The following RSPH3 variants were observed in gnomAD, a reference collection of about 807,000 sequenced individuals.
RSPH3 encodes radial spoke head 3, also known as radial spoke head protein 3 homolog.
RSPH3 carries 21 observed loss-of-function variants against 43.8 expected under a neutral mutation model. That is an observed-to-expected ratio of 0.48 (90% CI 0.34 to 0.69). The LOEUF (loss-of-function observed/expected upper bound fraction) is 0.69, where lower values mean the gene tolerates loss of function less well. Ranked by LOEUF, RSPH3 falls within the 30% of genes least tolerant of loss-of-function variation. RSPH3 has a pLI of 0.01. For synonymous variants in RSPH3, 173 were observed against 179.8 expected (o/e 0.96, Z 0.30); for missense variants, 487 against 516.0 (o/e 0.94, Z 0.54).
At position 158,999,566 on chromosome 6, in the gene RSPH3, G is replaced by A; in HGVS notation, c.-16C>T. On this transcript the variant is annotated 5_prime_UTR_variant, in exon 1 of 8. Transcript: ENST00000367069. ...CTGAGGCCATGTCCGGGGGCTGACT[G>A]CCTCGCTTTCGGTGGAGCTTGGCTT... is the stretch of plus-strand genomic sequence containing the variant. The A allele has an allele frequency of 6.2e-7, 1 of 1,607,370 alleles. No individual in the cohort carries two copies.
intron 1 of RSPH3, among the ~76,000 whole-genome samples, chr6:158,999,010 C>G (rs1163687943): frequency 6.6e-6 from 1 of 152,228 alleles, no homozygotes; most frequent in Non-Finnish European, 1.5e-5. Context: ...GGATATGCTA[C>G]TGTTGGATAT....
chr6:158,986,427 A>G lies in RSPH3; in HGVS notation c.205-6T>C. ...AGAGAATCAGGCCGTCCGAGCTAAC[A>G]GTGATAGAAAATACTTCTAGAATTT... On this transcript the variant is annotated splice_region_variant and splice_polypyrimidine_tract_variant and intron_variant, in intron 2 of 7. Coordinates refer to ENST00000367069, the MANE Select transcript of RSPH3 (RefSeq NM_031924.8). The G allele has an allele frequency of 6.2e-7, 1 of 1,600,252 alleles. No homozygotes were observed. The highest frequency in any genetic ancestry group is 8.5e-7 in the Non-Finnish European group (1 of 1,175,668).
At chr6:158,970,024 A>G (rs73796822), downstream of RSPH3, among the ~76,000 whole-genome samples, 819 of 151,374 alleles carry the variant, frequency 5.4e-3, 5 homozygotes, top group African/African-American at 0.019. Context: ...AACAGTTTCT[A>G]TTGACTGCTT....
At position 158,973,887 on chromosome 6, in the gene RSPH3, G is replaced by A. The variant is rs1336379584; in HGVS notation, c.*3651C>T. On this transcript the variant is annotated 3_prime_UTR_variant, in exon 8 of 8. Coordinates refer to ENST00000367069, the MANE Select transcript of RSPH3 (RefSeq NM_031924.8). ...CTCTGTCACCGGGCTGGAGTGCAGC[G>A]GCGCGACCTCCTGGGTTCAAGTGAT... 3.3e-5 allele frequency: 5 copies of A among 150,928 alleles called. No individual in the cohort carries two copies. Among genetic ancestry groups the A allele is most frequent in the East Asian group, 1.9e-4 (1 of 5,130 alleles). The allele number at this position is 150,928 out of a possible 1,614,324, so 9.3% of individuals were successfully genotyped here. A position where few individuals can be genotyped will look rare whatever the true frequency, so the allele number is the denominator to read the frequency against.
rs1562559599 is a variant in RSPH3 at position 158,980,765 on chromosome 6, T to C, written c.859+9A>G. Reference sequence around the variant, plus strand: ...CAACAAAATTAATCTAACAAAAATATCTACAAACCTCTTTCAATGGGATCA... The same window carrying C: ...CAACAAAATTAATCTAACAAAAATACCTACAAACCTCTTTCAATGGGATCA... On this transcript the variant is annotated intron_variant, in intron 6 of 7. Coordinates refer to ENST00000367069, the MANE Select transcript of RSPH3 (RefSeq NM_031924.8). 6.2e-7 allele frequency: 1 copy of C among 1,604,168 alleles called. No homozygotes were observed. The highest frequency in any genetic ancestry group is 1.1e-5 in the South Asian group (1 of 90,524).
chr6:158,978,636 G>T (rs578154295), intron 6 of RSPH3, among the ~76,000 whole-genome samples: 1 of 152,162 alleles, frequency 6.6e-6, no homozygotes, highest in Admixed American at 6.5e-5. Flanking sequence ...CGCTTCCCAG[G>T]TTCAAGTGGT....
chr6:158,963,396 C>T, the RSPH3 span, among the ~76,000 whole-genome samples: 3 of 124,286 alleles, frequency 2.4e-5, no homozygotes, highest in East Asian at 7.7e-4. Context: ...TCCTTCCTCC[C>T]TCCCTCCCTC....
At chr6:158,970,703 G>A (rs911020694), downstream of RSPH3, among the ~76,000 whole-genome samples, 5 of 151,924 alleles carry the variant, frequency 3.3e-5, no homozygotes, top group African/African-American at 9.7e-5. Context: ...CCGCCACTAT[G>A]CCTTGCCAGT....
intron 2 of RSPH3, among the ~76,000 whole-genome samples, chr6:158,986,737 T>C (rs1260672018): frequency 1.3e-5 from 2 of 152,238 alleles, no homozygotes; most frequent in Admixed American, 1.3e-4. Flanking sequence ...TTCAGGAACA[T>C]GCTGTTTAAT....
intron 6 of RSPH3, among the ~76,000 whole-genome samples, chr6:158,978,667 A>T (rs951487293): frequency 1.3e-5 from 2 of 152,010 alleles, no homozygotes; most frequent in Admixed American, 6.6e-5. Flanking sequence ...CAGCCTTCTG[A>T]GTAGCTGGGA....
At position 158,986,384 on chromosome 6, in the gene RSPH3, C is replaced by T. The variant is rs41267751; in HGVS notation, c.242G>A (p.Arg81Gln). ...RPDSLELQRQ[R>Q]EARKRALARK... ...GGCAAGAGCCCTCTTCCTAGCCTCC[C>T]GTTGTCTCTGGAGCTCTAGAGAATC... Residue 81 changes from arginine (R) to glutamine (Q), a missense_variant, in exon 3 of 8, where the codon CGG becomes CAG. Transcript: ENST00000367069. The T allele has an allele frequency of 3.3e-3, 5,323 of 1,613,966 alleles. 29 individuals carry two copies. The highest frequency in any genetic ancestry group is 0.019 in the African/African-American group (1,405 of 75,018).
intron 2 of RSPH3, among the ~76,000 whole-genome samples, chr6:158,990,989 C>T (rs1463382188): frequency 2.0e-5 from 3 of 151,768 alleles, no homozygotes; most frequent in African/African-American, 7.3e-5. Flanking sequence ...ATGCCATTTC[C>T]AATGTACTAC....
At chr6:158,983,908 T>C (rs1778122431) in intron 3 of RSPH3, 101 bp from the exon 4 acceptor site, 2 of 768,660 alleles carry the variant, frequency 2.6e-6, no homozygotes, top group Non-Finnish European at 4.3e-6. Flanking sequence ...CCGAGGAGGG[T>C]GCATTACTTG....
intron 2 of RSPH3, among the ~76,000 whole-genome samples, chr6:158,992,050 GTT>G (rs1214613827): frequency 8.8e-6 from 1 of 113,796 alleles, no homozygotes; most frequent in Non-Finnish European, 1.8e-5. Flanking sequence ...AATGAGCACT[GTT>G]TTTTTTTTTT....
At chr6:158,995,741 C>T (rs1383346471) in intron 1 of RSPH3, among the ~76,000 whole-genome samples, 1 of 151,784 alleles carries the variant, frequency 6.6e-6, no homozygotes, top group African/African-American at 2.4e-5. Context: ...ACTACAGGCG[C>T]CCGCCACCAC....
rs1777798656 is a variant in RSPH3, at chr6:158,975,251, C to T, written c.*2287G>A. The stretch of plus-strand genomic sequence containing the variant: ...TTGGTCTTCTTGCCAAAATTAATAT[C>T]TTATAAATGTTAGGATGATCATAAA... On this transcript the variant is annotated 3_prime_UTR_variant, in exon 8 of 8. Coordinates refer to ENST00000367069, the MANE Select transcript of RSPH3 (RefSeq NM_031924.8). The T allele has an allele frequency of 6.6e-6, 1 of 152,106 alleles. No homozygotes were observed. The highest frequency in any genetic ancestry group is 1.5e-5 in the Non-Finnish European group (1 of 68,024). 9.4% of individuals were successfully genotyped at this position (152,106 alleles called of 1,614,324 possible). A position where few individuals can be genotyped will look rare whatever the true frequency, so the allele number is the denominator to read the frequency against.
At chr6:158,984,475 T>TATATATATATATATATA (rs1778158106) in intron 3 of RSPH3, among the ~76,000 whole-genome samples, 5 of 133,590 alleles carry the variant, frequency 3.7e-5, no homozygotes, top group African/African-American at 1.1e-4. Flanking sequence ...TATATATATA[T>TATATATATATATATATA]TTGAGTCCTA....
Position 158,999,616 on chromosome 6 carries a change from T to A in RSPH3, c.-66A>T, listed in dbSNP as rs1041999422. ...TTGAAGCAGGTGGGCGCTAAGGTGT[T>A]GTGGGACCCGGAGAGATGTAAGTAG... On this transcript the variant is annotated 5_prime_UTR_variant, in exon 1 of 8. Transcript: ENST00000367069. 6.2e-7 allele frequency: 1 copy of A among 1,613,094 alleles called. No individual in the cohort carries two copies. Among genetic ancestry groups the A allele is most frequent in the African/African-American group, 1.3e-5 (1 of 74,864 alleles).
chr6:158,998,733 CT>C (rs1778717833), intron 1 of RSPH3, among the ~76,000 whole-genome samples: 1 of 137,554 alleles, frequency 7.3e-6, no homozygotes, highest in African/African-American at 2.7e-5. Context: ...GAGGGCGCCT[CT>C]AGTCCCAGCT....
Sources: allele counts gnomAD v4.1 joint callset (sites outside exome capture counted in the v4.1 genomes callset), GRCh38; gene constraint gnomAD v4.1.1; transcripts MANE v1.5; gene names NCBI Gene and HGNC (gene_info 2026-07-23, HGNC 2026-07-21).